Variants in AVEN observed in about 807,000 individuals in gnomAD.
AVEN encodes the protein apoptosis and caspase activation inhibitor.
Under a neutral mutation model 38.1 loss-of-function variants are expected in AVEN, and 41 were observed. That is an observed-to-expected ratio of 1.08 (90% CI 0.84 to 1.40). AVEN has a LOEUF of 1.40. AVEN is among the 40% of genes most tolerant of loss of function. The probability of loss-of-function intolerance (pLI) is 0.00; values close to 1 mark genes in which losing one functional copy is unlikely to be tolerated. For missense variants in AVEN, 605 were observed against 438.8 expected (o/e 1.38, Z -3.38); for synonymous variants, 206 against 171.8 (o/e 1.20, Z -1.56).
At chr15:34,067,805 TAAAG>T (rs1900547847) in intron 2 of AVEN, among the ~76,000 whole-genome samples, 1 of 152,186 alleles carries the variant, frequency 6.6e-6, no homozygotes, top group African/African-American at 2.4e-5. Context: ...GTCAACTATT[TAAAG>T]AGTCGGTGCC....
At chr15:33,904,712 T>C (rs62014482) in intron 2 of AVEN, among the ~76,000 whole-genome samples, 76,792 of 138,102 alleles carry the variant, frequency 0.56, 22,336 homozygotes, top group Middle Eastern at 0.68. Context: ...TATATATATA[T>C]ATATACACAC....
Position 33,866,479 on chromosome 15 carries a change from T to C in AVEN, c.*134A>G. The C allele has an allele frequency of 4.7e-6, 3 of 633,158 alleles. No homozygotes were observed. The highest frequency in any genetic ancestry group is 8.4e-6 in the Non-Finnish European group (3 of 357,172). The allele number at this position is 633,158 out of a possible 1,614,324, so 39.2% of individuals were successfully genotyped here. A position where few individuals can be genotyped will look rare whatever the true frequency, so the allele number is the denominator to read the frequency against. ...AGATGTCAAACACAGAGGTAGGCAT[T>C]TACTGCTGTGAGCATAATGGAACAC... On this transcript the variant is annotated 3_prime_UTR_variant, in exon 6 of 6. Coordinates refer to ENST00000306730, the MANE Select transcript of AVEN (RefSeq NM_020371.3).
At chr15:33,865,552 AG>A, downstream of AVEN, 1 of 254,344 alleles carries the variant, frequency 3.9e-6, no homozygotes, top group Non-Finnish European at 7.6e-6. Context: ...GGGCTAGAGA[AG>A]TATGAAATCT....
chr15:34,014,907 A>G (rs1178621695), intron 1 of AVEN, among the ~76,000 whole-genome samples: 1 of 152,302 alleles, frequency 6.6e-6, no homozygotes, highest in East Asian at 1.9e-4. Flanking sequence ...GCAGAAGAGG[A>G]ATAATAAAAG....
At chr15:33,986,101 T>TTC (rs376248040) in intron 2 of AVEN, among the ~76,000 whole-genome samples, 3 of 2,042 alleles carry the variant, frequency 1.5e-3, no homozygotes, top group African/African-American at 1.7e-3. Flanking sequence ...AATTTTTTTT[T>TTC]TTGTTTTTTG....
At chr15:33,890,067 A>G (rs950320415) in intron 2 of AVEN, among the ~76,000 whole-genome samples, 2 of 152,172 alleles carry the variant, frequency 1.3e-5, no homozygotes, top group Non-Finnish European at 2.9e-5. Flanking sequence ...TTCTCTGGAG[A>G]TGTTTGTGCA....
chr15:33,912,271 T>C (rs1207794880), intron 2 of AVEN, among the ~76,000 whole-genome samples: 1 of 152,214 alleles, frequency 6.6e-6, no homozygotes, highest in Non-Finnish European at 1.5e-5. Context: ...ACACGTTGGC[T>C]GCCTACTGAC....
intron 2 of AVEN, among the ~76,000 whole-genome samples, chr15:33,900,027 A>C (rs1892423138): frequency 6.6e-6 from 1 of 152,122 alleles, no homozygotes. Flanking sequence ...ATGGAAATTC[A>C]CAGTAAGAAT....
intron 1 of AVEN, among the ~76,000 whole-genome samples, chr15:34,073,906 C>G (rs1404874415): frequency 6.6e-6 from 1 of 151,422 alleles, no homozygotes; most frequent in Non-Finnish European, 1.5e-5. Flanking sequence ...CCCAGTACAG[C>G]TTAGTCTACA....
intron 2 of AVEN, among the ~76,000 whole-genome samples, chr15:33,983,215 CATATAT>C (rs148035145): frequency 9.4e-4 from 105 of 111,824 alleles, no homozygotes; most frequent in African/African-American, 3.8e-3. Flanking sequence ...TATATATATA[CATATAT>C]ATACACACAC....
chr15:33,937,920 T>C (rs1597251549), intron 2 of AVEN, among the ~76,000 whole-genome samples: 1 of 68,214 alleles, frequency 1.5e-5, no homozygotes, highest in Admixed American at 2.0e-4. Context: ...CTAATACAAA[T>C]CCCTACTTGA....
At chr15:34,050,732 A>G (rs549594001) in intron 5 of AVEN, among the ~76,000 whole-genome samples, 1 of 152,316 alleles carries the variant, frequency 6.6e-6, no homozygotes, top group African/African-American at 2.4e-5. Flanking sequence ...CTTTAAACCA[A>G]TAAGATCAAA....
chr15:33,873,003 A>C (rs1891051375), intron 3 of AVEN, among the ~76,000 whole-genome samples: 1 of 151,480 alleles, frequency 6.6e-6, no homozygotes, highest in Non-Finnish European at 1.5e-5. Flanking sequence ...CTCTCCTGCC[A>C]GGATTCCCTT....
At chr15:33,859,800 G>T in intron 11 of AVEN, 1 of 1,463,928 alleles carries the variant, frequency 6.8e-7, no homozygotes, top group Non-Finnish European at 9.3e-7. Flanking sequence ...TTCCATCTAT[G>T]ACTTAATTGG....
intron 5 of AVEN, among the ~76,000 whole-genome samples, chr15:34,061,923 A>T (rs1250492693): frequency 6.6e-6 from 1 of 152,220 alleles, no homozygotes; most frequent in Non-Finnish European, 1.5e-5. Flanking sequence ...CTTTTTCCCC[A>T]GTGCATGACG....
chr15:33,950,107 C>T (rs1422560854), intron 2 of AVEN, among the ~76,000 whole-genome samples: 1 of 152,086 alleles, frequency 6.6e-6, no homozygotes, highest in Non-Finnish European at 1.5e-5. Context: ...TGAAATAAGC[C>T]AGGCACAGCA....
chr15:33,943,510 C>T (rs1189855691), intron 2 of AVEN, among the ~76,000 whole-genome samples: 1 of 152,130 alleles, frequency 6.6e-6, no homozygotes, highest in Non-Finnish European at 1.5e-5. Flanking sequence ...GCAAGATGAA[C>T]AAATTCTAGA....
chr15:33,978,880 A>G (rs1896010758), intron 2 of AVEN, among the ~76,000 whole-genome samples: 1 of 152,110 alleles, frequency 6.6e-6, no homozygotes, highest in Non-Finnish European at 1.5e-5. Flanking sequence ...AAGTCTAACA[A>G]GAACAAACAT....
At chr15:33,978,049 G>A (rs1448336136) in intron 2 of AVEN, among the ~76,000 whole-genome samples, 2 of 151,588 alleles carry the variant, frequency 1.3e-5, no homozygotes, top group East Asian at 1.9e-4. Flanking sequence ...AGGAGGAAGC[G>A]AGAGAGGTAG....
Sources: allele counts gnomAD v4.1 joint callset (sites outside exome capture counted in the v4.1 genomes callset), GRCh38; gene constraint gnomAD v4.1.1; transcripts MANE v1.5; gene names NCBI Gene and HGNC (gene_info 2026-07-23, HGNC 2026-07-21).